The following TANC2 variants were observed in gnomAD, a reference collection of about 807,000 sequenced individuals.
TANC2 encodes tetratricopeptide repeat, ankyrin repeat and coiled-coil containing 2, also known as protein TANC2.
In TANC2, 26 loss-of-function variants were observed where a neutral mutation model predicts 210.5. That is an observed-to-expected ratio of 0.12 (90% CI 0.09 to 0.17). TANC2 has a LOEUF of 0.17. Ranked by LOEUF, TANC2 falls within the 10% of genes least tolerant of loss-of-function variation. TANC2 has a pLI of 1.00. For missense variants in TANC2, 2,129 were observed against 2,608.9 expected, an observed-to-expected ratio of 0.82 and a Z score of 4.01; for synonymous variants, 931 against 967.1, an observed-to-expected ratio of 0.96 and a Z score of 0.69.
intron 2 of TANC2, among the ~76,000 whole-genome samples, chr17:63,062,680 A>C (rs1476361210): frequency 6.6e-6 from 1 of 151,968 alleles, no homozygotes; most frequent in Non-Finnish European, 1.5e-5. Context: ...TCTCATTTAG[A>C]TGCTCATTAA....
chr17:63,413,530 C>G lies in TANC2; in HGVS notation c.3929-13C>G, dbSNP rs1258279229. Reference sequence around the variant, plus strand: ...ATGAGTTTTTTACCCATCATGCATCCTGTACACTACAGGTCCAGCCACATG... The same window carrying G: ...ATGAGTTTTTTACCCATCATGCATCGTGTACACTACAGGTCCAGCCACATG... On this transcript the variant is annotated splice_polypyrimidine_tract_variant and intron_variant, in intron 24 of 27. Transcript: ENST00000689528. 1.9e-6 allele frequency: 3 copies of G among 1,580,646 alleles called. No individual in the cohort carries two copies. Among genetic ancestry groups the G allele is most frequent in the South Asian group, 2.3e-5 (2 of 85,720 alleles).
At chr17:63,292,256 T>C (rs149882434) in intron 9 of TANC2, among the ~76,000 whole-genome samples, 3 of 152,042 alleles carry the variant, frequency 2.0e-5, no homozygotes, top group African/African-American at 7.2e-5. Flanking sequence ...GAACCTAGGA[T>C]TGGCAGTATT....
At chr17:63,274,691 G>T (rs1369404726) in intron 9 of TANC2, among the ~76,000 whole-genome samples, 1 of 151,918 alleles carries the variant, frequency 6.6e-6, no homozygotes. Flanking sequence ...GGTGGCGTGG[G>T]CCCATAGTCC....
chr17:63,180,205 T>C (rs1396695631), intron 5 of TANC2, among the ~76,000 whole-genome samples: 3 of 152,184 alleles, frequency 2.0e-5, no homozygotes, highest in Non-Finnish European at 4.4e-5. Flanking sequence ...AGTTGTTAGC[T>C]GATATGAGAA....
chr17:63,113,264 T>C (rs1230764931), intron 4 of TANC2, among the ~76,000 whole-genome samples: 1 of 152,140 alleles, frequency 6.6e-6, no homozygotes, highest in Non-Finnish European at 1.5e-5. Flanking sequence ...ATATATTTAT[T>C]CTCATTATAG....
intron 4 of TANC2, among the ~76,000 whole-genome samples, chr17:63,141,270 G>A (rs970362193): frequency 6.7e-6 from 1 of 149,502 alleles, no homozygotes; most frequent in Non-Finnish European, 1.5e-5. Flanking sequence ...GGCTGGGTGT[G>A]GTGGCTCATG....
At chr17:63,328,376 ATGTGTGTGTGTGTG>A (rs61546119) in intron 11 of TANC2, among the ~76,000 whole-genome samples, 3 of 147,030 alleles carry the variant, frequency 2.0e-5, no homozygotes, top group Admixed American at 6.8e-5. Flanking sequence ...GTATGTGTAT[ATGTGTGTGTGTGTG>A]TGTGTGTGTG....
chr17:63,081,497 T>C (rs2144719076), intron 3 of TANC2, among the ~76,000 whole-genome samples: 1 of 152,294 alleles, frequency 6.6e-6, no homozygotes, highest in Non-Finnish European at 1.5e-5. Context: ...AGTTTGAAGG[T>C]TTTTGAAAAA....
chr17:63,100,950 A>G (rs113245044), intron 4 of TANC2, among the ~76,000 whole-genome samples: 1 of 152,190 alleles, frequency 6.6e-6, no homozygotes, highest in Non-Finnish European at 1.5e-5. Context: ...GTAATTTCTC[A>G]TAGTTTAATT....
At chr17:63,271,754 T>C (rs1365006686) in intron 9 of TANC2, among the ~76,000 whole-genome samples, 3 of 152,070 alleles carry the variant, frequency 2.0e-5, no homozygotes, top group Non-Finnish European at 4.4e-5. Flanking sequence ...TTGTCCATTT[T>C]TTTTAATAGG....
exon 14 of TANC2, chr17:63,355,310 T>C (rs1223738409): frequency 6.2e-7 from 1 of 1,612,432 alleles, no homozygotes; most frequent in East Asian, 2.2e-5. Flanking sequence ...ACATGACTCG[T>C]ATGTTTGTAC....
At chr17:63,209,855 A>G (rs529530869) in intron 7 of TANC2, among the ~76,000 whole-genome samples, 2 of 152,208 alleles carry the variant, frequency 1.3e-5, no homozygotes, top group African/African-American at 2.4e-5. Flanking sequence ...CCATAAACGA[A>G]TATTAATTTT....
At chr17:63,037,287 G>A (rs1290709367) in intron 2 of TANC2, among the ~76,000 whole-genome samples, 1 of 152,036 alleles carries the variant, frequency 6.6e-6, no homozygotes, top group South Asian at 2.1e-4. Flanking sequence ...TGCTGGAAGG[G>A]ATGATTTACA....
At chr17:63,077,178 C>T (rs761137481) in intron 3 of TANC2, among the ~76,000 whole-genome samples, 1 of 152,140 alleles carries the variant, frequency 6.6e-6, no homozygotes, top group Non-Finnish European at 1.5e-5. Flanking sequence ...TTGCACTTCT[C>T]AGTCGTAGCA....
intron 14 of TANC2, among the ~76,000 whole-genome samples, chr17:63,360,959 TGTAAATGACA>T (rs766311818): frequency 6.6e-6 from 1 of 152,264 alleles, no homozygotes; most frequent in Non-Finnish European, 1.5e-5. Context: ...TCCATGTTGT[TGTAAATGACA>T]GGGCCTCATT....
At chr17:63,379,620 G>T in intron 14 of TANC2, 98 bp from the exon 15 acceptor site, 1 of 891,198 alleles carries the variant, frequency 1.1e-6, no homozygotes, top group South Asian at 2.1e-5. Context: ...AGTGAGCCGA[G>T]ATTGCGCCAC....
rs113232969 is a variant in TANC2 at position 63,416,224 on chromosome 17, G to A, written c.4167+550G>A. Among the ~76,000 whole-genome samples, 80 of 152,062 alleles carry A rather than the reference G, an allele frequency of 5.3e-4. No individual in the cohort carries two copies. The South Asian group carries it at 7.5e-3, about 14-fold the overall frequency. On this transcript the variant is annotated intron_variant, in intron 26 of 27. Transcript: ENST00000689528. ...TCAGAACTCCCCCTGGACCTTTATC[G>A]TCTCCCTGGTAAGCCACGGTCCTTC... is the stretch of plus-strand genomic sequence containing the variant.
intron 3 of TANC2, among the ~76,000 whole-genome samples, chr17:63,095,595 AC>A (rs2037357522): frequency 6.6e-6 from 1 of 152,130 alleles, no homozygotes; most frequent in South Asian, 2.1e-4. Context: ...TATTGAAGAC[AC>A]ATAGCAGTGT....
chr17:63,273,603 A>G (rs541483439), intron 9 of TANC2, among the ~76,000 whole-genome samples: 7 of 152,196 alleles, frequency 4.6e-5, no homozygotes, highest in African/African-American at 1.4e-4. Context: ...TCAAGAATCT[A>G]GGGATCCCCA....
Sources: allele counts gnomAD v4.1 joint callset (sites outside exome capture counted in the v4.1 genomes callset), GRCh38; gene constraint gnomAD v4.1.1; transcripts MANE v1.5; gene names NCBI Gene and HGNC (gene_info 2026-07-23, HGNC 2026-07-21).